The following LALBA variants were observed in gnomAD, a reference collection of about 807,000 sequenced individuals.
LALBA encodes the protein lactalbumin alpha.
Under a neutral mutation model 13.4 loss-of-function variants are expected in LALBA, and 12 were observed. That is an observed-to-expected ratio of 0.89 (90% CI 0.57 to 1.45). The LOEUF (loss-of-function observed/expected upper bound fraction) is 1.45, where lower values mean the gene tolerates loss of function less well. Ranked by LOEUF, LALBA falls within the 40% of genes most tolerant of loss-of-function variation. The pLI is 0.00. For synonymous variants in LALBA, 64 were observed against 61.0 expected (o/e 1.05, Z -0.23); for missense variants, 145 against 165.9 (o/e 0.87, Z 0.69).
chr12:48,568,426 G>A (rs1592225021), intron 3 of LALBA, 91 bp downstream of exon 3: 2 of 784,958 alleles, frequency 2.5e-6, no homozygotes, highest in East Asian at 4.9e-5. Context: ...TAGATTAAAT[G>A]ACCAAGAGAT....
At chr12:48,569,856 G>GT in intron 1 of LALBA, 32 bp downstream of exon 1, 2 of 1,610,106 alleles carry the variant, frequency 1.2e-6, no homozygotes, top group Non-Finnish European at 1.7e-6. Context: ...AGCGTATGAG[G>GT]AATGGATGAA....
rs1435860235 is a variant in LALBA, at chr12:48,569,144, T to G, written c.230A>C (p.Lys77Thr). The change falls in exon 2 of 4, where the codon AAG becomes ACG. Residue 77 changes from lysine (K) to threonine (T), a missense_variant. Coordinates refer to ENST00000301046, the MANE Select transcript of LALBA (RefSeq NM_002289.3). ...GACCTGGCTGCTCTTGCACCAAAGC[T>G]TATTACTGATCTGGAAGAGTCCATA... ...TEYGLFQISN[K>T]LWCKSSQVPQ... The G allele has an allele frequency of 1.2e-6, 2 of 1,613,796 alleles. No homozygotes were observed. Among genetic ancestry groups the G allele is most frequent in the East Asian group, 2.2e-5 (1 of 44,876 alleles).
chr12:48,570,984 A>C (rs1481854044), upstream of LALBA, among the ~76,000 whole-genome samples: 9 of 150,052 alleles, frequency 6.0e-5, no homozygotes, highest in East Asian at 1.8e-3. Context: ...CTATCTTTAA[A>C]AAAAAAAAAA....
At chr12:48,569,338 C>A in intron 1 of LALBA, 98 bp from the exon 2 acceptor site, 1 of 1,007,814 alleles carries the variant, frequency 9.9e-7, no homozygotes, top group Admixed American at 2.5e-5. Context: ...CAGCCAATCT[C>A]CAAAGATGGC....
At chr12:48,568,987 C>T (rs569855761) in intron 2 of LALBA, 95 bp downstream of exon 2, 51 of 1,074,474 alleles carry the variant, frequency 4.7e-5, no homozygotes, top group Non-Finnish European at 6.5e-5. Context: ...CCAGCCAAGG[C>T]AATGAAGCCT....
chr12:48,568,868 T>C (rs1938598336), intron 2 of LALBA, among the ~76,000 whole-genome samples: 1 of 152,198 alleles, frequency 6.6e-6, no homozygotes, highest in South Asian at 2.1e-4. Context: ...CAGCTCCGAT[T>C]GTCTACCACT....
chr12:48,569,983 A>C lies in LALBA; in HGVS notation c.38T>G (p.Leu13Arg). ...FFVPLFLVGI[L>R]FPAILAKQFT... ...TTGCTTGGCCAGGATGGCAGGGAAC[A>C]GGATGCCCACCAGGAACAGAGGGAC... The change falls in exon 1 of 4, where the codon CTG becomes CGG. Residue 13 changes from leucine (L) to arginine (R), a missense_variant. Leu to Arg is a moderately radical substitution (Grantham distance 102). Transcript: ENST00000301046. 3.1e-6 allele frequency: 5 copies of C among 1,614,112 alleles called. No individual in the cohort carries two copies. Among genetic ancestry groups the C allele is most frequent in the Non-Finnish European group, 4.2e-6 (5 of 1,179,974 alleles).
At position 48,570,005 on chromosome 12, in the gene LALBA, G is replaced by C. The variant is rs1938614618; in HGVS notation, c.16C>G (p.Pro6Ala). MRFFV[P>A]LFLVGILFPA... is the part of the protein sequence containing the mutation. Reference sequence around the variant, plus strand: ...AACAGGATGCCCACCAGGAACAGAGGGACAAAGAACCTCATTTTGGCTACC... The same window carrying C: ...AACAGGATGCCCACCAGGAACAGAGCGACAAAGAACCTCATTTTGGCTACC... Residue 6 changes from proline (P) to alanine (A), a missense_variant, in exon 1 of 4, where the codon CCT becomes GCT. Physicochemically the swap from Pro to Ala is conservative, Grantham distance 27 (BLOSUM62 -1). Transcript: ENST00000301046. 1 of 1,613,910 alleles carries C rather than the reference G, an allele frequency of 6.2e-7. No homozygotes were observed. Among genetic ancestry groups the C allele is most frequent in the Middle Eastern group, 1.6e-4 (1 of 6,062 alleles).
rs1332115148 is a variant in LALBA, at chr12:48,568,044, G to A, written c.369-27C>T. 12 of 1,549,164 alleles carry A rather than the reference G, an allele frequency of 7.7e-6. No homozygotes were observed. The South Asian group carries it at 1.4e-4, about 18-fold the overall frequency. On this transcript the variant is annotated intron_variant, in intron 3 of 3. Transcript: ENST00000301046. ...TGATAATGGAGAAGGGGGACAAGGT[G>A]AGTTAGCTGACTGAATCTTTACATT...
At chr12:48,569,317 A>C (rs1409771251) in intron 1 of LALBA, 77 bp from the exon 2 acceptor site, 11 of 1,285,802 alleles carry the variant, frequency 8.6e-6, no homozygotes, top group African/African-American at 3.0e-5. Flanking sequence ...TTCTCAGACA[A>C]AAATGCTTTC....
rs773933362 is a variant in LALBA, at chr12:48,570,025, G to T, written c.-5C>A. ...CAGAGGGACAAAGAACCTCATTTTG[G>T]CTACCCCCAAGAACCTGAAATGGAA... On this transcript the variant is annotated 5_prime_UTR_variant, in exon 1 of 4. Transcript: ENST00000301046. The T allele has an allele frequency of 6.2e-7, 1 of 1,613,854 alleles. No individual in the cohort carries two copies. Among genetic ancestry groups the T allele is most frequent in the South Asian group, 1.1e-5 (1 of 91,040 alleles).
In LALBA at chr12:48,568,512, T is replaced by C. The variant is rs1476932386; in HGVS notation, c.368+5A>G. 4 of 1,495,510 alleles carry C rather than the reference T, an allele frequency of 2.7e-6. No homozygotes were observed. Among genetic ancestry groups the C allele is most frequent in the South Asian group, 1.1e-5 (1 of 88,504 alleles). The allele number at this position is 1,495,510 out of a possible 1,614,324, so 92.6% of individuals were successfully genotyped here. ...GGGGAAATAGAAAATAGAATAAGGATTCACCAGTAGTCAATTCCTTTAATA... is the reference window on the plus strand; with the variant it reads ...GGGGAAATAGAAAATAGAATAAGGACTCACCAGTAGTCAATTCCTTTAATA... On this transcript the variant is annotated splice_donor_5th_base_variant and intron_variant, in intron 3 of 3. Coordinates refer to ENST00000301046, the MANE Select transcript of LALBA (RefSeq NM_002289.3).
upstream of LALBA, among the ~76,000 whole-genome samples, chr12:48,570,369 A>C (rs538814228): frequency 5.9e-5 from 9 of 152,268 alleles, 1 homozygote; most frequent in African/African-American, 1.7e-4. Context: ...AAAGAAGGGC[A>C]TGGGGGCAAT....
chr12:48,568,213 G>A (rs1938591119), intron 3 of LALBA, 196 bp from the exon 4 acceptor site: 2 of 624,018 alleles, frequency 3.2e-6, no homozygotes, highest in Admixed American at 2.7e-5. Context: ...AAAAAGAGAT[G>A]CAATGTTACC....
At chr12:48,570,927 T>A (rs1052202135), upstream of LALBA, among the ~76,000 whole-genome samples, 1 of 148,482 alleles carries the variant, frequency 6.7e-6, no homozygotes, top group Admixed American at 6.8e-5. Context: ...CAGTGAGCCA[T>A]GTTCACTCCA....
chr12:48,568,540 C>T lies in LALBA; in HGVS notation c.345G>A (p.Leu115=), dbSNP rs767846444. The part of the protein sequence containing the change: ...TDDIMCAKKI[L]DIKGIDYWLA... ...ACCAGTAGTCAATTCCTTTAATATC[C>T]AGGATCTTCTTGGCACACATTATGT... The change falls in exon 3 of 4, where the codon CTG becomes CTA. Residue 115 remains leucine (L), a synonymous_variant. Transcript: ENST00000301046. 7.5e-6 allele frequency: 12 copies of T among 1,593,162 alleles called. No individual in the cohort carries two copies. The highest frequency in any genetic ancestry group is 9.5e-6 in the Non-Finnish European group (11 of 1,163,398).
In LALBA at chr12:48,569,870, C is replaced by T. The variant is rs771211177; in HGVS notation, c.133+18G>A. On this transcript the variant is annotated intron_variant, in intron 1 of 3. Coordinates refer to ENST00000301046, the MANE Select transcript of LALBA (RefSeq NM_002289.3). ...AAGCGTATGAGGAATGGATGAAACA[C>T]AGAGGCAGGGAACTCACATTCAGGC... is the stretch of plus-strand genomic sequence containing the variant. 4 of 1,612,756 alleles carry T rather than the reference C, an allele frequency of 2.5e-6. No homozygotes were observed. The African/African-American group carries it at 4.0e-5, about 16-fold the overall frequency.
At chr12:48,568,275 T>C in intron 3 of LALBA, 1 of 603,748 alleles carries the variant, frequency 1.7e-6, no homozygotes, top group South Asian at 2.0e-5. Flanking sequence ...GATGTCCAAG[T>C]CTAAGTGAAA....
At chr12:48,568,859 A>G (rs941212367) in intron 2 of LALBA, among the ~76,000 whole-genome samples, 2 of 152,224 alleles carry the variant, frequency 1.3e-5, no homozygotes, top group African/African-American at 4.8e-5. Flanking sequence ...ACTCTCAGAC[A>G]GCTCCGATTG....
Sources: gnomAD v4.1 joint callset for allele counts (sites outside exome capture counted in the v4.1 genomes callset) on GRCh38, gnomAD v4.1.1 for gene constraint, MANE v1.5 for transcripts, NCBI Gene and HGNC (gene_info 2026-07-23, HGNC 2026-07-21) for gene names.